PTPRD: variants seen among roughly 807,000 people sequenced by gnomAD.
The protein encoded by PTPRD is receptor-type tyrosine-protein phosphatase delta.
A neutral mutation model predicts 214.5 loss-of-function variants in PTPRD; 34 were observed. The ratio of observed to expected loss-of-function variants is 0.16; its 90% CI spans 0.12 to 0.21. The LOEUF is 0.21. PTPRD is among the 10% of genes least tolerant of loss of function. PTPRD has a pLI of 1.00. For missense variants in PTPRD, 2,545 were observed against 2,398.7 expected (o/e 1.06, Z -1.27); for synonymous variants, 1,128 against 845.7 (o/e 1.33, Z -5.79).
intron 9 of PTPRD, among the ~76,000 whole-genome samples, chr9:9,384,987 G>T (rs1410530049): frequency 6.6e-6 from 1 of 152,034 alleles, no homozygotes; most frequent in Non-Finnish European, 1.5e-5. Context: ...TCTAAACAGT[G>T]TTTCAAACTT....
intron 3 of PTPRD, among the ~76,000 whole-genome samples, chr9:10,208,727 A>G (rs1452752223): frequency 6.6e-6 from 1 of 152,218 alleles, no homozygotes; most frequent in Non-Finnish European, 1.5e-5. Context: ...GAAAAGAGAA[A>G]ATATCCATTT....
At chr9:9,655,359 C>A (rs888219885) in intron 7 of PTPRD, among the ~76,000 whole-genome samples, 6 of 152,128 alleles carry the variant, frequency 3.9e-5, no homozygotes, top group Admixed American at 6.5e-5. Flanking sequence ...CACCTGAGGT[C>A]AGGAGTTCAA....
intron 3 of PTPRD, among the ~76,000 whole-genome samples, chr9:10,310,942 A>T (rs605257): frequency 0.31 from 46,444 of 151,956 alleles, 8,389 homozygotes; most frequent in African/African-American, 0.5. Context: ...GTACCTATGC[A>T]TTCAAACTTT....
At chr9:8,444,004 A>C (rs2133085292) in intron 34 of PTPRD, among the ~76,000 whole-genome samples, 1 of 152,312 alleles carries the variant, frequency 6.6e-6, no homozygotes, top group Admixed American at 6.5e-5. Flanking sequence ...TCAAACCTTC[A>C]GTAAAGGATT....
In PTPRD at chr9:8,554,891, G is replaced by A. The variant is rs144699099; in HGVS notation, c.353-26112C>T. 3.4e-3 allele frequency among the ~76,000 whole-genome samples: 513 copies of A among 152,214 alleles called. 3 individuals carry two copies. The highest frequency in any genetic ancestry group is 0.012 in the African/African-American group (485 of 41,524). On this transcript the variant is annotated intron_variant, in intron 14 of 45. Transcript: ENST00000381196. ...GGCTTTGGTGTTGGAAGAGTAAGGTGATCCAGGATCAGAGTCCATCAAGTT... is the reference window on the plus strand; with the variant it reads ...GGCTTTGGTGTTGGAAGAGTAAGGTAATCCAGGATCAGAGTCCATCAAGTT...
chr9:8,360,520 G>C (rs1164347655), intron 39 of PTPRD, among the ~76,000 whole-genome samples: 1 of 152,104 alleles, frequency 6.6e-6, no homozygotes, highest in Non-Finnish European at 1.5e-5. Flanking sequence ...TATAGATCAA[G>C]GTTCCTTCTG....
intron 6 of PTPRD, among the ~76,000 whole-genome samples, chr9:9,750,603 C>T (rs2098507582): frequency 6.6e-6 from 1 of 152,080 alleles, no homozygotes; most frequent in African/African-American, 2.4e-5. Context: ...ACTCTAACTT[C>T]CTACAGAGGT....
At chr9:10,014,824 T>C (rs1243730583) in intron 4 of PTPRD, among the ~76,000 whole-genome samples, 1 of 152,080 alleles carries the variant, frequency 6.6e-6, no homozygotes, top group Admixed American at 6.6e-5. Context: ...AGTGCGTGGT[T>C]ATTTCTATAT....
At chr9:9,511,204 CTA>C (rs2096699273) in intron 8 of PTPRD, among the ~76,000 whole-genome samples, 1 of 151,640 alleles carries the variant, frequency 6.6e-6, no homozygotes, top group Non-Finnish European at 1.5e-5. Flanking sequence ...ATATTTATGA[CTA>C]TGTAGTAAAT....
At chr9:8,458,977 T>C (rs1449033224) in intron 33 of PTPRD, among the ~76,000 whole-genome samples, 1 of 152,162 alleles carries the variant, frequency 6.6e-6, no homozygotes, top group Non-Finnish European at 1.5e-5. Flanking sequence ...ACTTCTTTCA[T>C]TTGTCCTTTA....
At chr9:10,111,490 G>A (rs1236381040) in intron 3 of PTPRD, among the ~76,000 whole-genome samples, 1 of 151,916 alleles carries the variant, frequency 6.6e-6, no homozygotes, top group African/African-American at 2.4e-5. Flanking sequence ...CGCCCGCCTC[G>A]GCCTCCCAAA....
At chr9:9,236,741 T>C (rs564246213) in intron 9 of PTPRD, among the ~76,000 whole-genome samples, 1 of 152,018 alleles carries the variant, frequency 6.6e-6, no homozygotes, top group South Asian at 2.1e-4. Flanking sequence ...ATTGGGGCAT[T>C]TTGATTATTT....
chr9:8,649,680 G>A (rs1029378170), intron 12 of PTPRD, among the ~76,000 whole-genome samples: 10 of 152,144 alleles, frequency 6.6e-5, no homozygotes, highest in African/African-American at 1.4e-4. Flanking sequence ...AATGTTTCAT[G>A]TAGCACAAAA....
intron 5 of PTPRD, among the ~76,000 whole-genome samples, chr9:9,835,331 T>C (rs1351514766): frequency 6.6e-6 from 1 of 152,038 alleles, no homozygotes; most frequent in Non-Finnish European, 1.5e-5. Flanking sequence ...ACAGTACATT[T>C]AGTTATATAG....
At chr9:8,338,802 A>G (rs1849470235) in intron 43 of PTPRD, 120 bp downstream of exon 43, 1 of 907,374 alleles carries the variant, frequency 1.1e-6, no homozygotes, top group African/African-American at 1.7e-5. Flanking sequence ...CTCCAGAATG[A>G]ATGATTTCTC....
chr9:9,349,294 T>G (rs10123408), intron 9 of PTPRD, among the ~76,000 whole-genome samples: 1 of 152,116 alleles, frequency 6.6e-6, no homozygotes. Context: ...GGCTAGCTTA[T>G]CTACCAGTCT....
At chr9:9,819,163 ACT>A (rs1426610215) in intron 5 of PTPRD, among the ~76,000 whole-genome samples, 1 of 152,094 alleles carries the variant, frequency 6.6e-6, no homozygotes, top group East Asian at 1.9e-4. Context: ...GGTAAGGAAC[ACT>A]GACTTCAGCC....
At chr9:10,437,894 A>G (rs1403844677) in intron 2 of PTPRD, among the ~76,000 whole-genome samples, 1 of 150,110 alleles carries the variant, frequency 6.7e-6, no homozygotes, top group Admixed American at 6.7e-5. Flanking sequence ...TTTCCTTTTC[A>G]TGTATTCAGA....
chr9:9,277,434 T>G (rs952656629), intron 9 of PTPRD, among the ~76,000 whole-genome samples: 1 of 151,374 alleles, frequency 6.6e-6, no homozygotes, highest in Admixed American at 6.6e-5. Context: ...TTTTTTCCGT[T>G]GAAATTTTAA....
Sources: allele counts gnomAD v4.1 joint callset (sites outside exome capture counted in the v4.1 genomes callset), GRCh38; gene constraint gnomAD v4.1.1; transcripts MANE v1.5; gene names NCBI Gene and HGNC (gene_info 2026-07-23, HGNC 2026-07-21).